PSMA1: variants seen among roughly 807,000 people sequenced by gnomAD.
PSMA1 encodes proteasome subunit alpha type-1.
PSMA1 carries 3 observed loss-of-function variants against 38.4 expected under a neutral mutation model. The ratio of observed to expected loss-of-function variants is 0.08; its 90% confidence interval spans 0.04 to 0.20. The LOEUF is 0.20. Ranked by LOEUF, PSMA1 falls within the 10% of genes least tolerant of loss-of-function variation. The pLI is 1.00. For missense variants in PSMA1, 227 were observed against 325.3 expected (o/e 0.70, Z 2.32); for synonymous variants, 101 against 107.1 (o/e 0.94, Z 0.35).
At chr11:14,555,585 T>C (rs1444263541) in intron 2 of PSMA1, among the ~76,000 whole-genome samples, 3 of 152,196 alleles carry the variant, frequency 2.0e-5, no homozygotes, top group Non-Finnish European at 4.4e-5. Context: ...TCCACACAGC[T>C]AACTGTAGTC....
intron 1 of PSMA1, among the ~76,000 whole-genome samples, chr11:14,615,265 GTGCTGGGTTGTTCTT>G (rs1852758248): frequency 6.6e-6 from 1 of 152,186 alleles, no homozygotes. Flanking sequence ...CTTCGCTTCT[GTGCTGGGTTGTTCTT>G]TGCTGGCCAC....
At chr11:14,561,355 C>T (rs999920628) in intron 2 of PSMA1, among the ~76,000 whole-genome samples, 2 of 152,190 alleles carry the variant, frequency 1.3e-5, no homozygotes. Flanking sequence ...TATACATCTC[C>T]ACATAGTTGC....
chr11:14,615,736 T>C (rs1012095675), intron 1 of PSMA1, among the ~76,000 whole-genome samples: 1 of 152,254 alleles, frequency 6.6e-6, no homozygotes, highest in Non-Finnish European at 1.5e-5. Context: ...ACTTCTGTGG[T>C]ACCATTTAGA....
intron 1 of PSMA1, among the ~76,000 whole-genome samples, chr11:14,622,737 C>T (rs1375377610): frequency 1.3e-5 from 2 of 152,112 alleles, no homozygotes; most frequent in African/African-American, 2.4e-5. Context: ...AGAAAGTTGC[C>T]AGCTTTGAGT....
chr11:14,505,107 G>T lies in PSMA1; in HGVS notation c.*85C>A. 1 of 1,262,330 alleles carries T rather than the reference G, an allele frequency of 7.9e-7. No individual in the cohort carries two copies. Among genetic ancestry groups the T allele is most frequent in the South Asian group, 1.2e-5 (1 of 83,462 alleles). The allele number at this position is 1,262,330 out of a possible 1,614,324, so 78.2% of individuals were successfully genotyped here. A position where few individuals can be genotyped will look rare whatever the true frequency, so the allele number is the denominator to read the frequency against. On this transcript the variant is annotated 3_prime_UTR_variant, in exon 10 of 10. Coordinates refer to ENST00000396394, the MANE Select transcript of PSMA1 (RefSeq NM_002786.4). ...AGCATTCCACCACTCTGCAACTTTT[G>T]GTTCAAAGTATAGATTATTGTCATC...
intron 2 of PSMA1, among the ~76,000 whole-genome samples, chr11:14,564,320 T>G (rs1248999107): frequency 6.6e-6 from 1 of 152,228 alleles, no homozygotes; most frequent in Non-Finnish European, 1.5e-5. Flanking sequence ...TTGGCCTTTT[T>G]TTTCATTCAG....
intron 2 of PSMA1, among the ~76,000 whole-genome samples, chr11:14,548,292 G>T (rs1260735440): frequency 1.3e-5 from 2 of 151,986 alleles, no homozygotes; most frequent in East Asian, 1.9e-4. Flanking sequence ...TAAGTGATTT[G>T]CCCAAGCTCA....
intron 2 of PSMA1, among the ~76,000 whole-genome samples, chr11:14,550,178 G>GA (rs1312492580): frequency 2.0e-5 from 3 of 152,130 alleles, no homozygotes; most frequent in Non-Finnish European, 4.4e-5. Flanking sequence ...AAGTTTACGT[G>GA]AAAAAGCGTC....
intron 2 of PSMA1, among the ~76,000 whole-genome samples, chr11:14,539,823 T>G (rs1432155809): frequency 6.6e-6 from 1 of 150,402 alleles, no homozygotes. Flanking sequence ...CACTCCAGCC[T>G]GGGTGACAGA....
At chr11:14,526,570 T>C (rs373343543) in intron 2 of PSMA1, among the ~76,000 whole-genome samples, 1 of 152,116 alleles carries the variant, frequency 6.6e-6, no homozygotes, top group Non-Finnish European at 1.5e-5. Context: ...ATTTCCAAAA[T>C]CTATTTTCTT....
At chr11:14,563,334 T>C (rs1852031747) in intron 2 of PSMA1, among the ~76,000 whole-genome samples, 1 of 152,212 alleles carries the variant, frequency 6.6e-6, no homozygotes, top group Non-Finnish European at 1.5e-5. Flanking sequence ...GAGTAGTGAC[T>C]GTCCCTTGTG....
chr11:14,562,300 A>G (rs573555297), intron 2 of PSMA1, among the ~76,000 whole-genome samples: 1 of 152,332 alleles, frequency 6.6e-6, no homozygotes, highest in East Asian at 1.9e-4. Flanking sequence ...AGATGAATTG[A>G]GAAAGCTTGT....
At chr11:14,577,586 T>C (rs1180652886) in intron 2 of PSMA1, among the ~76,000 whole-genome samples, 1 of 152,156 alleles carries the variant, frequency 6.6e-6, no homozygotes, top group Non-Finnish European at 1.5e-5. Flanking sequence ...ATAAAAGTAA[T>C]AGTAATAATA....
At chr11:14,518,908 T>C in intron 2 of PSMA1, 89 bp downstream of exon 2, 2 of 1,061,268 alleles carry the variant, frequency 1.9e-6, no homozygotes. Context: ...ATATTCCATT[T>C]TCCCCAAGCC....
chr11:14,604,075 T>G (rs781436898), intron 2 of PSMA1, among the ~76,000 whole-genome samples: 2 of 152,256 alleles, frequency 1.3e-5, no homozygotes, highest in Non-Finnish European at 2.9e-5. Flanking sequence ...CTAAATGTCC[T>G]TTCCAGTAAG....
intron 2 of PSMA1, among the ~76,000 whole-genome samples, chr11:14,608,174 G>A (rs1423043820): frequency 6.6e-6 from 1 of 152,038 alleles, no homozygotes; most frequent in African/African-American, 2.4e-5. Flanking sequence ...AACATGGTGA[G>A]ACTTCATCTC....
intron 2 of PSMA1, among the ~76,000 whole-genome samples, chr11:14,607,948 C>T (rs957660088): frequency 2.6e-5 from 4 of 152,094 alleles, no homozygotes; most frequent in Non-Finnish European, 5.9e-5. Flanking sequence ...CCATTATGAT[C>T]CTCACAGCAG....
intron 2 of PSMA1, among the ~76,000 whole-genome samples, chr11:14,541,436 G>T (rs950277916): frequency 6.6e-6 from 1 of 152,198 alleles, no homozygotes; most frequent in Non-Finnish European, 1.5e-5. Flanking sequence ...ACACAGAACT[G>T]GGGGAGCTCT....
chr11:14,601,422 G>A (rs1435551995), intron 2 of PSMA1, among the ~76,000 whole-genome samples: 1 of 152,094 alleles, frequency 6.6e-6, no homozygotes, highest in Non-Finnish European at 1.5e-5. Context: ...ATTTGCACTT[G>A]AAACCCACCA....
Sources: gnomAD v4.1 joint callset for allele counts (sites outside exome capture counted in the v4.1 genomes callset) on GRCh38, gnomAD v4.1.1 for gene constraint, MANE v1.5 for transcripts, NCBI Gene and HGNC (gene_info 2026-07-23, HGNC 2026-07-21) for gene names.